The following ATP8B1 variants were observed in gnomAD, a reference collection of about 807,000 sequenced individuals.
ATP8B1 encodes the protein ATPase phospholipid transporting 8B1.
In ATP8B1, 80 loss-of-function variants were observed where a neutral mutation model predicts 149.9. The observed-to-expected ratio is 0.53, with a 90% CI of 0.45 to 0.64. The LOEUF is 0.64. Ranked by LOEUF, ATP8B1 falls within the 30% of genes least tolerant of loss-of-function variation. ATP8B1 has a pLI of 0.00. For missense variants in ATP8B1, 1,247 were observed against 1,552.6 expected (o/e 0.80, Z 3.31); for synonymous variants, 536 against 562.8 (o/e 0.95, Z 0.67).
At position 57,764,880 on chromosome 18, in the gene ATP8B1, G is replaced by C. The variant is rs766243159; in HGVS notation, c.-25-33048C>G. ...TAGCCACTGTGGAAAACAGCATAAT[G>C]GTTCCTCAAAAAATAAACATAGAAT... On this transcript the variant is annotated intron_variant, in intron 1 of 27. Transcript: ENST00000648908. 2.0e-5 allele frequency among the ~76,000 whole-genome samples: 3 copies of C among 152,008 alleles called. No individual in the cohort carries two copies. The East Asian group carries it at 5.8e-4, about 29-fold the overall frequency.
At chr18:57,785,666 C>T (rs986365245) in intron 1 of ATP8B1, among the ~76,000 whole-genome samples, 9 of 152,044 alleles carry the variant, frequency 5.9e-5, no homozygotes, top group South Asian at 4.2e-4. Flanking sequence ...CCACCATGCC[C>T]AGCTAATTTT....
intron 1 of ATP8B1, among the ~76,000 whole-genome samples, chr18:57,760,138 C>G (rs1199850380): frequency 6.6e-6 from 1 of 152,076 alleles, no homozygotes; most frequent in Non-Finnish European, 1.5e-5. Flanking sequence ...CTCCAATATA[C>G]AAAGATCGGG....
At chr18:57,773,286 C>A (rs1435693138) in intron 1 of ATP8B1, among the ~76,000 whole-genome samples, 1 of 151,598 alleles carries the variant, frequency 6.6e-6, no homozygotes, top group Non-Finnish European at 1.5e-5. Context: ...GTGGCCAAGA[C>A]AAGAGTGCAG....
At chr18:57,696,529 T>G (rs1162925157) in intron 8 of ATP8B1, among the ~76,000 whole-genome samples, 1 of 125,556 alleles carries the variant, frequency 8.0e-6, no homozygotes, top group Non-Finnish European at 1.6e-5. Context: ...TTAATTGGCT[T>G]TAAGTATTTT....
intron 1 of ATP8B1, among the ~76,000 whole-genome samples, chr18:57,764,106 G>A (rs937992759): frequency 2.0e-5 from 3 of 152,112 alleles, no homozygotes; most frequent in Non-Finnish European, 4.4e-5. Flanking sequence ...GGTCACTCTC[G>A]CTTTAGCAGT....
intron 8 of ATP8B1, among the ~76,000 whole-genome samples, chr18:57,697,204 A>C (rs1912860501): frequency 6.6e-6 from 1 of 152,170 alleles, no homozygotes; most frequent in South Asian, 2.1e-4. Context: ...TGGAGGTTGC[A>C]GTGAGCTGAG....
intron 1 of ATP8B1, among the ~76,000 whole-genome samples, chr18:57,763,513 C>T (rs1260758290): frequency 6.6e-6 from 1 of 152,108 alleles, no homozygotes; most frequent in African/African-American, 2.4e-5. Context: ...CAAATTCCAA[C>T]AAACATTTTC....
chr18:57,733,631 G>A (rs2938371), intron 1 of ATP8B1, among the ~76,000 whole-genome samples: 25,068 of 147,832 alleles, frequency 0.17, 2,770 homozygotes, highest in East Asian at 0.49. Flanking sequence ...GCGTGAACCC[G>A]GGAGGCGGAG....
At chr18:57,670,453 G>A (rs932265154) in intron 17 of ATP8B1, among the ~76,000 whole-genome samples, 2 of 149,528 alleles carry the variant, frequency 1.3e-5, no homozygotes, top group African/African-American at 2.5e-5. Flanking sequence ...CCTGGTTCAC[G>A]CCATTCTCCT....
At chr18:57,762,354 G>T (rs1211133529) in intron 1 of ATP8B1, among the ~76,000 whole-genome samples, 3 of 151,964 alleles carry the variant, frequency 2.0e-5, no homozygotes, top group Admixed American at 6.6e-5. Flanking sequence ...GGCCAGGCTG[G>T]TCTTGAACTC....
At chr18:57,747,748 A>G (rs2079977860) in intron 1 of ATP8B1, among the ~76,000 whole-genome samples, 1 of 152,194 alleles carries the variant, frequency 6.6e-6, no homozygotes. Flanking sequence ...ACAGAGCCTT[A>G]CCTCTCATTC....
At chr18:57,707,134 G>A (rs975762645) in intron 2 of ATP8B1, among the ~76,000 whole-genome samples, 13 of 152,160 alleles carry the variant, frequency 8.5e-5, no homozygotes, top group Middle Eastern at 3.4e-3. Flanking sequence ...GTGAAACCCC[G>A]TCTCTACTAA....
intron 15 of ATP8B1, among the ~76,000 whole-genome samples, chr18:57,681,259 T>A (rs1911954310): frequency 1.0e-5 from 1 of 98,994 alleles, no homozygotes; most frequent in Admixed American, 1.0e-4. Flanking sequence ...ACCCAGTTGA[T>A]AAAGAATAAA....
rs147024196 is a variant in ATP8B1, at chr18:57,661,307, G to A, written c.2574C>T (p.Cys858=). 1.9e-5 allele frequency: 31 copies of A among 1,613,840 alleles called. No individual in the cohort carries two copies. In the African/African-American group the frequency reaches 3.5e-4, roughly 18 times the overall value. The change falls in exon 22 of 28, where the codon TGC becomes TGT. Residue 858 remains cysteine, a synonymous_variant. Transcript: ENST00000648908. ...GGCAGCAGATGACTGCGCTGCACTC[G>A]CAGGCCAGGTCCACAAAGTTTTTCT... The part of the protein sequence containing the change: ...QRQKNFVDLA[C]ECSAVICCRV...
rs1352218991 is a variant in ATP8B1 at position 57,671,348 on chromosome 18, C to A, written c.1932+120G>T. On this transcript the variant is annotated intron_variant, in intron 17 of 27. Coordinates refer to ENST00000648908, the MANE Select transcript of ATP8B1 (RefSeq NM_001374385.1). ...TCCTACTTTACTGCTCTTTCCACCC[C>A]AACTATTGCAAAGCAAAGGGAGGGT... 5 of 887,640 alleles carry A rather than the reference C, an allele frequency of 5.6e-6. No individual in the cohort carries two copies. In the East Asian group the frequency reaches 1.3e-4, roughly 23 times the overall value. The allele number at this position is 887,640 out of a possible 1,614,324, so 55.0% of individuals were successfully genotyped here.
intron 2 of ATP8B1, among the ~76,000 whole-genome samples, chr18:57,727,429 C>G (rs536847126): frequency 2.3e-4 from 35 of 152,234 alleles, no homozygotes; most frequent in Admixed American, 4.6e-4. Context: ...TGTTTTGGTT[C>G]CAACTAAATA....
intron 4 of ATP8B1, among the ~76,000 whole-genome samples, chr18:57,701,846 C>A (rs1283664284): frequency 2.0e-5 from 3 of 151,978 alleles, no homozygotes; most frequent in Admixed American, 6.6e-5. Context: ...CAGGTGTGTG[C>A]CACCACCCCC....
intron 1 of ATP8B1, among the ~76,000 whole-genome samples, chr18:57,781,121 A>G (rs1267177309): frequency 1.3e-5 from 2 of 152,242 alleles, no homozygotes; most frequent in Non-Finnish European, 2.9e-5. Context: ...GAAGCATTAA[A>G]TGCTGATTGG....
intron 22 of ATP8B1, among the ~76,000 whole-genome samples, chr18:57,658,318 G>A: frequency 6.6e-6 from 1 of 152,164 alleles, no homozygotes; most frequent in East Asian, 1.9e-4. Context: ...CCAAAGTGCT[G>A]GGATTACAGG....
Sources: gnomAD v4.1 joint callset for allele counts (sites outside exome capture counted in the v4.1 genomes callset) on GRCh38, gnomAD v4.1.1 for gene constraint, MANE v1.5 for transcripts, NCBI Gene and HGNC (gene_info 2026-07-23, HGNC 2026-07-21) for gene names.